The following SLCO3A1 variants were observed in gnomAD, a reference collection of about 807,000 sequenced individuals.
SLCO3A1 encodes the protein solute carrier organic anion transporter family member 3A1, also known as PGE1 transporter.
Under a neutral mutation model 63.1 loss-of-function variants are expected in SLCO3A1, and 27 were observed. That is an observed-to-expected ratio of 0.43 (90% CI 0.32 to 0.59). The LOEUF (loss-of-function observed/expected upper bound fraction) is 0.59. SLCO3A1 is among the 20% of genes least tolerant of loss of function. The pLI is 0.09. For missense variants in SLCO3A1, 773 were observed against 945.8 expected (o/e 0.82, Z 2.40); for synonymous variants, 473 against 409.9 (o/e 1.15, Z -1.86).
intron 2 of SLCO3A1, among the ~76,000 whole-genome samples, chr15:91,926,130 C>T (rs979107678): frequency 6.6e-6 from 1 of 152,154 alleles, no homozygotes; most frequent in African/African-American, 2.4e-5. Context: ...AACCCCTGAC[C>T]CTATGCATAA....
rs767719602 is a variant in SLCO3A1, at chr15:91,900,971, C to T, written c.181-15022C>T. ...TTGTTTATTTCGCCTTTCATTTTGT[C>T]GATTTTTACTTCATGTATTATGGGG... is the stretch of plus-strand genomic sequence containing the variant. On this transcript the variant is annotated intron_variant, in intron 1 of 9. Transcript: ENST00000318445. The surrounding 1 kb of genome is among the most constrained non-coding windows in gnomAD (Gnocchi z 4.3). Among the ~76,000 whole-genome samples the T allele has an allele frequency of 4.6e-5, 7 of 152,056 alleles. No homozygotes were observed. The highest frequency in any genetic ancestry group is 2.1e-4 in the South Asian group (1 of 4,832).
rs1228560815 is a variant in SLCO3A1 at position 92,162,745 on chromosome 15, C to T, written c.1754-11C>T. On this transcript the variant is annotated splice_polypyrimidine_tract_variant and intron_variant, in intron 9 of 9. Coordinates refer to ENST00000318445, the MANE Select transcript of SLCO3A1 (RefSeq NM_013272.4). ...AGATCCAGAACCTTAACATTCTTTT[C>T]CCGGTAACAGGCTTCATCCCTCCAC... 1.2e-6 allele frequency: 2 copies of T among 1,602,382 alleles called. No individual in the cohort carries two copies. Among genetic ancestry groups the T allele is most frequent in the Admixed American group, 3.4e-5 (2 of 58,684 alleles).
chr15:91,913,416 G>T (rs1898546673), intron 1 of SLCO3A1, among the ~76,000 whole-genome samples: 1 of 152,170 alleles, frequency 6.6e-6, no homozygotes, highest in Non-Finnish European at 1.5e-5. Context: ...AGGGCCCCCA[G>T]GCCACTCCCC....
intron 2 of SLCO3A1, among the ~76,000 whole-genome samples, chr15:92,058,725 CAGT>C (rs1393862803): frequency 6.6e-6 from 1 of 152,178 alleles, no homozygotes; most frequent in Non-Finnish European, 1.5e-5. Context: ...TATTCTTTCA[CAGT>C]CCTAGAAGCC....
At chr15:92,148,513 C>CTAAGTTTGAAAAATAAATTTTAA (rs2048260451) in intron 8 of SLCO3A1, among the ~76,000 whole-genome samples, 1 of 152,140 alleles carries the variant, frequency 6.6e-6, no homozygotes, top group African/African-American at 2.4e-5. Flanking sequence ...TTTATACTTA[C>CTAAGTTTGAAAAATAAATTTTAA]TAAGTTTGAA....
In SLCO3A1 at chr15:92,163,995, G is replaced by C. The variant is rs911704757; in HGVS notation, c.*860G>C. The C allele has an allele frequency of 1.0e-6, 1 of 985,180 alleles. No homozygotes were observed. Among genetic ancestry groups the C allele is most frequent in the Non-Finnish European group, 1.2e-6 (1 of 829,954 alleles). The allele number at this position is 985,180 out of a possible 1,614,324, so 61.0% of individuals were successfully genotyped here. On this transcript the variant is annotated 3_prime_UTR_variant, in exon 10 of 10. Coordinates refer to ENST00000318445, the MANE Select transcript of SLCO3A1 (RefSeq NM_013272.4). ...GCTGGTGAGACCCAACGCAGTCCAA[G>C]TCATTTGCTTACATTTGCCAAAAAC...
rs1422608161 is a variant in SLCO3A1 at position 91,948,695 on chromosome 15, C to T, written c.646+32237C>T. On this transcript the variant is annotated intron_variant, in intron 2 of 9. Coordinates refer to ENST00000318445, the MANE Select transcript of SLCO3A1 (RefSeq NM_013272.4). This position sits in a 1 kb window ranked among gnomAD's most constrained non-coding sequence, Gnocchi z 4.8. ...TTTTCCTGCCCTGAGAAGAGAGGGC[C>T]GTCCAAGGAATAGGAGAGCCATGGC... Among the ~76,000 whole-genome samples the T allele has an allele frequency of 2.0e-5, 3 of 152,084 alleles. No individual in the cohort carries two copies. Among genetic ancestry groups the T allele is most frequent in the Non-Finnish European group, 4.4e-5 (3 of 68,006 alleles).
At chr15:92,153,607 A>G (rs1474940175) in intron 9 of SLCO3A1, 1 of 152,248 alleles carries the variant, frequency 6.6e-6, no homozygotes, top group Non-Finnish European at 1.5e-5. Context: ...TGGGGATACA[A>G]TGGGGACATC....
intron 2 of SLCO3A1, among the ~76,000 whole-genome samples, chr15:91,987,314 T>C (rs1051806819): frequency 6.6e-6 from 1 of 152,218 alleles, no homozygotes; most frequent in Non-Finnish European, 1.5e-5. Context: ...AACTTGTTTA[T>C]TCAACACGTA....
chr15:92,069,273 T>G (rs574200179), intron 2 of SLCO3A1, among the ~76,000 whole-genome samples: 1 of 152,208 alleles, frequency 6.6e-6, no homozygotes, highest in Non-Finnish European at 1.5e-5. Flanking sequence ...TTACTCACTT[T>G]GTCATGTCAG....
intron 2 of SLCO3A1, among the ~76,000 whole-genome samples, chr15:92,074,135 T>C (rs1381629187): frequency 6.6e-6 from 1 of 152,216 alleles, no homozygotes; most frequent in East Asian, 1.9e-4. Context: ...CGTCCCAGTG[T>C]ACTCCAGCCT....
intron 2 of SLCO3A1, among the ~76,000 whole-genome samples, chr15:91,949,440 G>T (rs1899921988): frequency 1.3e-5 from 2 of 151,096 alleles, no homozygotes; most frequent in South Asian, 4.2e-4. Context: ...GACCAGCCTG[G>T]TCAACATGGC....
At chr15:92,142,173 T>C (rs568324241) in intron 7 of SLCO3A1, among the ~76,000 whole-genome samples, 9 of 152,378 alleles carry the variant, frequency 5.9e-5, no homozygotes, top group East Asian at 3.9e-4. Context: ...GACATTTTCA[T>C]TGGTCTTGTG....
At chr15:92,076,494 G>A (rs1189783158) in intron 2 of SLCO3A1, among the ~76,000 whole-genome samples, 1 of 152,208 alleles carries the variant, frequency 6.6e-6, no homozygotes, top group African/African-American at 2.4e-5. Context: ...CCCTATGCAT[G>A]ATCACTGAGT....
rs1016653993 is a variant in SLCO3A1, at chr15:91,897,693, G to A, written c.181-18300G>A. On this transcript the variant is annotated intron_variant, in intron 1 of 9. Coordinates refer to ENST00000318445, the MANE Select transcript of SLCO3A1 (RefSeq NM_013272.4). This position sits in a 1 kb window ranked among gnomAD's most constrained non-coding sequence, Gnocchi z 4.7. The stretch of plus-strand genomic sequence containing the variant: ...AAAGTTAGTCTCCCTGGACAGTGGC[G>A]GCAGAGTGGATTGGTGTGCTCCCAT... Among the ~76,000 whole-genome samples the A allele has an allele frequency of 4.6e-5, 7 of 152,238 alleles. No homozygotes were observed. The highest frequency in any genetic ancestry group is 1.3e-4 in the Admixed American group (2 of 15,296).
intron 9 of SLCO3A1, among the ~76,000 whole-genome samples, chr15:92,151,814 C>T (rs913384451): frequency 9.2e-5 from 14 of 152,224 alleles, no homozygotes; most frequent in African/African-American, 3.1e-4. Context: ...ACAACCATGA[C>T]CTGTATTTTT....
intron 2 of SLCO3A1, among the ~76,000 whole-genome samples, chr15:91,995,368 C>G (rs1301243607): frequency 6.6e-6 from 1 of 152,112 alleles, no homozygotes; most frequent in African/African-American, 2.4e-5. Flanking sequence ...TTGTGAGGAG[C>G]CCATGGGATA....
intron 2 of SLCO3A1, among the ~76,000 whole-genome samples, chr15:92,090,889 C>T (rs1205193339): frequency 1.3e-5 from 2 of 152,160 alleles, no homozygotes; most frequent in African/African-American, 2.4e-5. Context: ...ACCACAACCC[C>T]ATGAAGTCGA....
chr15:91,934,207 C>A (rs1487227799), intron 2 of SLCO3A1, among the ~76,000 whole-genome samples: 1 of 152,224 alleles, frequency 6.6e-6, no homozygotes, highest in East Asian at 1.9e-4. Flanking sequence ...GTCTGTACCC[C>A]CAGTGAGTGT....
Sources: gnomAD v4.1 joint callset for allele counts (sites outside exome capture counted in the v4.1 genomes callset) on GRCh38, gnomAD v4.1.1 for gene constraint, Gnocchi (gnomAD v3.1) non-coding constraint, MANE v1.5 for transcripts, NCBI Gene and HGNC (gene_info 2026-07-23, HGNC 2026-07-21) for gene names.